The following PPME1 variants were observed in gnomAD, a reference collection of about 807,000 sequenced individuals.
PPME1 encodes protein phosphatase methylesterase 1, also known as testicular secretory protein Li 39.
Under a neutral mutation model 56.9 loss-of-function variants are expected in PPME1, and 17 were observed. The observed-to-expected ratio is 0.30, with a 90% CI of 0.20 to 0.45. The LOEUF (loss-of-function observed/expected upper bound fraction) is 0.45, where lower values mean the gene tolerates loss of function less well. PPME1 is among the 20% of genes least tolerant of loss of function. The probability of loss-of-function intolerance (pLI) is 1.00; values close to 1 mark genes in which losing one functional copy is unlikely to be tolerated. For missense variants in PPME1, 357 were observed against 483.2 expected (o/e 0.74, Z 2.45); for synonymous variants, 122 against 156.2 (o/e 0.78, Z 1.63).
intron 3 of PPME1, among the ~76,000 whole-genome samples, chr11:74,217,797 A>G (rs190372805): frequency 1.1e-3 from 171 of 152,274 alleles, no homozygotes; most frequent in African/African-American, 3.6e-3. Flanking sequence ...AAAGCCATAT[A>G]CAATAGACCC....
Position 74,254,577 on chromosome 11 carries a change from C to A in PPME1, c.*1067C>A, listed in dbSNP as rs1346405526. 1.3e-5 allele frequency: 2 copies of A among 153,170 alleles called. No homozygotes were observed. Among genetic ancestry groups the A allele is most frequent in the Non-Finnish European group, 2.9e-5 (2 of 68,186 alleles). 9.5% of individuals were successfully genotyped at this position (153,170 alleles called of 1,614,324 possible). On this transcript the variant is annotated 3_prime_UTR_variant, in exon 14 of 14. Transcript: ENST00000328257. ...TGTGACTGTCTTAGGTGATGTGTAG[C>A]CCCCTCCACCTTTCCACTCAACAAC...
intron 3 of PPME1, among the ~76,000 whole-genome samples, chr11:74,211,530 G>T (rs1187957863): frequency 6.6e-6 from 1 of 152,082 alleles, no homozygotes; most frequent in Non-Finnish European, 1.5e-5. Context: ...ATAACAAATC[G>T]TAAGAAAATT....
intron 1 of PPME1, among the ~76,000 whole-genome samples, chr11:74,173,996 A>T (rs1270739098): frequency 6.6e-6 from 1 of 152,156 alleles, no homozygotes; most frequent in African/African-American, 2.4e-5. Context: ...CAAATGGCTT[A>T]TTTTCCCGTA....
At chr11:74,235,863 C>T in intron 7 of PPME1, 38 bp from the exon 8 acceptor site, 1 of 1,585,546 alleles carries the variant, frequency 6.3e-7, no homozygotes, top group Non-Finnish European at 8.6e-7. Flanking sequence ...ACAATAGATA[C>T]TGAATAACCT....
intron 1 of PPME1, among the ~76,000 whole-genome samples, chr11:74,177,247 G>A (rs1164613634): frequency 6.6e-6 from 1 of 152,092 alleles, no homozygotes; most frequent in African/African-American, 2.4e-5. Flanking sequence ...GACCACTTGA[G>A]CTTGGGAGTT....
At position 74,233,962 on chromosome 11, in the gene PPME1, G is replaced by C. The variant is rs534798582; in HGVS notation, c.645-1939G>C. On this transcript the variant is annotated intron_variant, in intron 7 of 13. Transcript: ENST00000328257. The stretch of plus-strand genomic sequence containing the variant: ...GAATGAGGTGTGAAGTTGGTTAGGA[G>C]ACTGTTATAGTAAAGGAGAGTAATA... Among the ~76,000 whole-genome samples the C allele has an allele frequency of 2.6e-5, 4 of 152,354 alleles. No individual in the cohort carries two copies. The East Asian group carries it at 7.7e-4, about 29-fold the overall frequency.
intron 1 of PPME1, among the ~76,000 whole-genome samples, chr11:74,195,413 C>T (rs1857954856): frequency 6.6e-6 from 1 of 152,142 alleles, no homozygotes; most frequent in African/African-American, 2.4e-5. Flanking sequence ...TTATTTCTTT[C>T]TCTAAGTATT....
At chr11:74,183,372 A>G (rs1051813067) in intron 1 of PPME1, among the ~76,000 whole-genome samples, 1 of 152,250 alleles carries the variant, frequency 6.6e-6, no homozygotes, top group Non-Finnish European at 1.5e-5. Flanking sequence ...GTGTTTAGTT[A>G]TATGAAACAT....
intron 9 of PPME1, among the ~76,000 whole-genome samples, chr11:74,239,946 A>G (rs1179452279): frequency 1.3e-5 from 2 of 149,408 alleles, no homozygotes; most frequent in African/African-American, 2.5e-5. Context: ...GAAGCTCTTT[A>G]ATTTTCTTTC....
At chr11:74,206,353 CTG>C (rs757162038) in intron 3 of PPME1, among the ~76,000 whole-genome samples, 5 of 152,086 alleles carry the variant, frequency 3.3e-5, no homozygotes, top group Non-Finnish European at 7.4e-5. Context: ...AATTTAAAGA[CTG>C]TTTTTTTCTT....
intron 7 of PPME1, among the ~76,000 whole-genome samples, chr11:74,234,668 A>G (rs1859147901): frequency 6.6e-6 from 1 of 152,244 alleles, no homozygotes. Context: ...TATAAAAATC[A>G]TATATAAGTT....
chr11:74,181,264 G>C (rs1390612439), intron 1 of PPME1, among the ~76,000 whole-genome samples: 1 of 151,090 alleles, frequency 6.6e-6, no homozygotes, highest in African/African-American at 2.4e-5. Flanking sequence ...TAGCCAGGAT[G>C]GTCTCGATCT....
intron 3 of PPME1, among the ~76,000 whole-genome samples, chr11:74,221,071 T>C (rs1043974309): frequency 1.3e-5 from 2 of 152,196 alleles, no homozygotes; most frequent in African/African-American, 2.4e-5. Flanking sequence ...AATAAATAAA[T>C]GAAAATTTTG....
chr11:74,181,086 G>A (rs1035965682), intron 1 of PPME1, among the ~76,000 whole-genome samples: 3 of 141,256 alleles, frequency 2.1e-5, no homozygotes, highest in East Asian at 4.1e-4. Context: ...CGCCCAGGTC[G>A]GACTGCGGAC....
intron 5 of PPME1, among the ~76,000 whole-genome samples, chr11:74,225,687 A>C (rs1400981405): frequency 6.6e-6 from 1 of 152,178 alleles, no homozygotes; most frequent in East Asian, 1.9e-4. Flanking sequence ...TCATGATATT[A>C]AAAAATGACA....
intron 10 of PPME1, among the ~76,000 whole-genome samples, chr11:74,246,645 A>G (rs533797303): frequency 6.6e-6 from 1 of 152,244 alleles, no homozygotes; most frequent in South Asian, 2.1e-4. Flanking sequence ...TTCTCACCAA[A>G]TGAGTAGTGA....
intron 1 of PPME1, among the ~76,000 whole-genome samples, chr11:74,181,965 T>C (rs1222327580): frequency 6.6e-6 from 1 of 152,242 alleles, no homozygotes; most frequent in East Asian, 1.9e-4. Context: ...CATTAGTCTC[T>C]CTTCTCCCCC....
rs965927023 is a variant in PPME1, at chr11:74,251,569, A to G, written c.1075-79A>G. The G allele has an allele frequency of 6.5e-5, 102 of 1,574,280 alleles. 1 individual carries two copies. In the African/African-American group the frequency reaches 1.2e-3, roughly 19 times the overall value. ...GATGAGGGCACCGTAGAGCCTAACC[A>G]TCTAACAGTAGCTCACAGCCCAAGG... is the stretch of plus-strand genomic sequence containing the variant. On this transcript the variant is annotated intron_variant, in intron 12 of 13. Coordinates refer to ENST00000328257, the MANE Select transcript of PPME1 (RefSeq NM_016147.3).
intron 1 of PPME1, among the ~76,000 whole-genome samples, chr11:74,185,192 G>A (rs1857645992): frequency 6.6e-6 from 1 of 151,922 alleles, no homozygotes; most frequent in African/African-American, 2.4e-5. Flanking sequence ...TAGAGATGGG[G>A]TTTCACCATG....
Sources: gnomAD v4.1 joint callset for allele counts (sites outside exome capture counted in the v4.1 genomes callset) on GRCh38, gnomAD v4.1.1 for gene constraint, MANE v1.5 for transcripts, NCBI Gene and HGNC (gene_info 2026-07-23, HGNC 2026-07-21) for gene names.